Variants in HM13 observed in about 807,000 individuals in gnomAD.
The protein encoded by HM13 is signal peptide peptidase.
In HM13, 18 loss-of-function variants were observed where a neutral mutation model predicts 50.0. The observed-to-expected ratio is 0.36, with a 90% CI of 0.25 to 0.53. The LOEUF is 0.53. Among genes scored for constraint, HM13 ranks in the 20% least tolerant of loss-of-function variants. The probability of loss-of-function intolerance (pLI) is 0.90; values close to 1 mark genes in which losing one functional copy is unlikely to be tolerated. For missense variants in HM13, 393 were observed against 552.4 expected, an observed-to-expected ratio of 0.71 and a Z score of 2.89; for synonymous variants, 197 against 232.6, an observed-to-expected ratio of 0.85 and a Z score of 1.39.
intron 2 of HM13, among the ~76,000 whole-genome samples, chr20:31,528,510 G>T (rs1180723340): frequency 1.3e-5 from 2 of 151,734 alleles, no homozygotes; most frequent in South Asian, 4.2e-4. Context: ...ACGGAGTCTC[G>T]CTCTGTCACC....
chr20:31,544,839 C>CCTAT (rs1983621971), intron 3 of HM13, 108 bp from the exon 4 acceptor site: 1 of 825,114 alleles, frequency 1.2e-6, no homozygotes. Context: ...GTAACACCTA[C>CCTAT]CTATCAGGAC....
chr20:31,561,615 C>A lies in HM13; in HGVS notation c.846-19C>A. 1.3e-6 allele frequency: 2 copies of A among 1,553,436 alleles called. No homozygotes were observed. Among genetic ancestry groups the A allele is most frequent in the Non-Finnish European group, 8.9e-7 (1 of 1,124,722 alleles). On this transcript the variant is annotated intron_variant, in intron 9 of 12. Coordinates refer to ENST00000398174, the MANE Select transcript of HM13 (RefSeq NM_178581.3). ...CCTATATCTAACCCTCCTCCTCTTT[C>A]TTCACACCTTCCCTGCAGCTTGAAG...
In HM13 at chr20:31,561,697, C is replaced by T; in HGVS notation, c.909C>T (p.Gly303=). The change falls in exon 10 of 13, where the codon GGC becomes GGT. Residue 303 remains glycine (G), a synonymous_variant. Coordinates refer to ENST00000398174, the MANE Select transcript of HM13 (RefSeq NM_178581.3). ...TSFAAYIFGL[G]LTIFIMHIFK... ...TTGCAGCCTACATCTTCGGCCTGGG[C>T]CTTACCATCTTCATCATGCACATCT... 6.2e-7 allele frequency: 1 copy of T among 1,613,786 alleles called. No individual in the cohort carries two copies. The highest frequency in any genetic ancestry group is 1.1e-5 in the South Asian group (1 of 91,074).
At chr20:31,537,841 C>T (rs548994284) in intron 2 of HM13, among the ~76,000 whole-genome samples, 2 of 152,316 alleles carry the variant, frequency 1.3e-5, no homozygotes, top group East Asian at 3.9e-4. Context: ...GAGGTTCCAA[C>T]AGCTCTCCTG....
chr20:31,547,892 C>T (rs1013797609), intron 4 of HM13: 4 of 1,055,240 alleles, frequency 3.8e-6, no homozygotes, highest in South Asian at 3.8e-5. Context: ...GCAGTAGATA[C>T]GATTGTAGCA....
intron 8 of HM13, among the ~76,000 whole-genome samples, chr20:31,557,955 G>T (rs1984406133): frequency 6.6e-6 from 1 of 152,096 alleles, no homozygotes; most frequent in Admixed American, 6.5e-5. Flanking sequence ...TGATCCGCCT[G>T]CCTCGGCCTC....
At chr20:31,526,858 A>G (rs1401858704) in intron 1 of HM13, among the ~76,000 whole-genome samples, 1 of 152,212 alleles carries the variant, frequency 6.6e-6, no homozygotes, top group Non-Finnish European at 1.5e-5. Flanking sequence ...TGGCTGATCC[A>G]TTAGAAAACT....
intron 7 of HM13, 104 bp from the exon 8 acceptor site, chr20:31,554,642 A>G: frequency 1.2e-6 from 1 of 864,560 alleles, no homozygotes; most frequent in Admixed American, 2.2e-5. Flanking sequence ...AGATTGCGCC[A>G]CTGCACTCCA....
At chr20:31,544,624 G>A (rs570268975) in intron 3 of HM13, among the ~76,000 whole-genome samples, 3 of 152,314 alleles carry the variant, frequency 2.0e-5, no homozygotes, top group East Asian at 3.9e-4. Context: ...GGGATCCTCT[G>A]CTCTCCCAAA....
chr20:31,567,764 G>T, intron 11 of HM13: 1 of 295,232 alleles, frequency 3.4e-6, no homozygotes, highest in East Asian at 7.7e-5. Flanking sequence ...TTCTTGCACA[G>T]ACGGTGGCAT....
At chr20:31,517,667 T>C (rs1327431963) in intron 1 of HM13, among the ~76,000 whole-genome samples, 1 of 151,982 alleles carries the variant, frequency 6.6e-6, no homozygotes, top group Non-Finnish European at 1.5e-5. Context: ...GACCACAAGA[T>C]GTGTTCAGGG....
At chr20:31,544,570 T>G (rs1186153200) in intron 3 of HM13, among the ~76,000 whole-genome samples, 1 of 152,240 alleles carries the variant, frequency 6.6e-6, no homozygotes, top group African/African-American at 2.4e-5. Flanking sequence ...ACAAATATGC[T>G]TCTTGACAAG....
At position 31,536,144 on chromosome 20, in the gene HM13, A is replaced by G. The variant is rs190248052; in HGVS notation, c.283-2035A>G. Among the ~76,000 whole-genome samples, 19 of 152,232 alleles carry G rather than the reference A, an allele frequency of 1.2e-4. No homozygotes were observed. In the East Asian group the frequency reaches 3.7e-3, roughly 29 times the overall value. On this transcript the variant is annotated intron_variant, in intron 2 of 12. Coordinates refer to ENST00000398174, the MANE Select transcript of HM13 (RefSeq NM_178581.3). ...TTTGGGAGGCCGAGGCAGTTGGATC[A>G]CCTGAGGTCAGGAGTTCAAGACCAG...
rs529063036 is a variant in HM13 at position 31,568,193 on chromosome 20, C to G, written c.1150C>G (p.Arg384Gly). 4.3e-6 allele frequency: 7 copies of G among 1,612,958 alleles called. No individual in the cohort carries two copies. The highest frequency in any genetic ancestry group is 5.9e-6 in the Non-Finnish European group (7 of 1,179,926). ...DSMQQKLAGP[R>G]RRRPQNPSAI... ...CATGCAGCAGAAGCTAGCTGGCCCT[C>G]GCCGCCGGCGCCCGCAGAATCCCAG... Residue 384 changes from arginine to glycine, a missense_variant, in exon 12 of 13, where the codon CGC (arginine) becomes GGC (glycine). Around this residue, in one of 3 missense-constraint regions of HM13, gnomAD observed 105 missense variants for 115.9 expected, o/e 0.91. Transcript: ENST00000398174.
At chr20:31,520,958 T>TA (rs1328279030) in intron 1 of HM13, among the ~76,000 whole-genome samples, 1 of 152,236 alleles carries the variant, frequency 6.6e-6, no homozygotes, top group East Asian at 1.9e-4. Context: ...TGTCCTCTCT[T>TA]ACAGCTTTTG....
In HM13 at chr20:31,568,061, C is replaced by T. The variant is rs781572862; in HGVS notation, c.1035-17C>T. 2.9e-5 allele frequency: 45 copies of T among 1,531,564 alleles called. No homozygotes were observed. Among genetic ancestry groups the T allele is most frequent in the Admixed American group, 9.6e-5 (5 of 52,264 alleles). 94.9% of individuals were successfully genotyped at this position (1,531,564 alleles called of 1,614,324 possible). ...ATCCATCTCTTTTTTTCTGTCTCTT[C>T]TCTCTCTCTCACACAGCTACGAGTC... On this transcript the variant is annotated splice_polypyrimidine_tract_variant and intron_variant, in intron 11 of 12. Coordinates refer to ENST00000398174, the MANE Select transcript of HM13 (RefSeq NM_178581.3).
At chr20:31,554,723 C>G in intron 7 of HM13, 23 bp from the exon 8 acceptor site, 4 of 1,604,508 alleles carry the variant, frequency 2.5e-6, no homozygotes, top group Non-Finnish European at 3.4e-6. Context: ...GCTGACTCCT[C>G]ACATTCCCGC....
At chr20:31,522,554 C>CAA (rs35963745) in intron 1 of HM13, among the ~76,000 whole-genome samples, 2,051 of 114,944 alleles carry the variant, frequency 0.018, 55 homozygotes, top group African/African-American at 0.08. Flanking sequence ...TAAAAAAAAA[C>CAA]AAAAAAAAAA....
chr20:31,562,449 A>G (rs1384630953), intron 10 of HM13: 2 of 152,608 alleles, frequency 1.3e-5, no homozygotes, highest in Non-Finnish European at 2.9e-5. Context: ...CACTGCAAGT[A>G]TGTGGTAAAG....
Sources: gnomAD v4.1 joint callset for allele counts (sites outside exome capture counted in the v4.1 genomes callset) on GRCh38, gnomAD v4.1.1 for gene constraint, gnomAD v4.1.1 regional missense constraint, MANE v1.5 for transcripts, NCBI Gene and HGNC (gene_info 2026-07-23, HGNC 2026-07-21) for gene names.